The following PCDH9 variants were observed in gnomAD, a reference collection of about 807,000 sequenced individuals.
The protein encoded by PCDH9 is protocadherin-9.
Under a neutral mutation model 70.6 loss-of-function variants are expected in PCDH9, and 24 were observed. The observed-to-expected ratio is 0.34, with a 90% CI of 0.25 to 0.48. PCDH9 has a LOEUF of 0.48. Among genes scored for constraint, PCDH9 ranks in the 20% least tolerant of loss-of-function variants. The pLI is 0.99. For synonymous variants in PCDH9, 562 were observed against 558.5 expected, an observed-to-expected ratio of 1.01 and a Z score of -0.09; for missense variants, 1,281 against 1,503.6, an observed-to-expected ratio of 0.85 and a Z score of 2.45.
At chr13:66,856,358 T>A (rs896594711) in intron 3 of PCDH9, among the ~76,000 whole-genome samples, 1 of 152,040 alleles carries the variant, frequency 6.6e-6, no homozygotes, top group Non-Finnish European at 1.5e-5. Flanking sequence ...TTCAAATGCA[T>A]GTAAGACACT....
chr13:67,219,243 A>G (rs1407368575), intron 2 of PCDH9: 1 of 152,068 alleles, frequency 6.6e-6, no homozygotes, highest in Non-Finnish European at 1.5e-5. Flanking sequence ...CTTACAGAAG[A>G]AAAGAATATA....
chr13:66,731,020 G>A (rs990746149), intron 3 of PCDH9, among the ~76,000 whole-genome samples: 1 of 151,278 alleles, frequency 6.6e-6, no homozygotes, highest in African/African-American at 2.4e-5. Flanking sequence ...ATCAGGCCCA[G>A]GCGTATAATA....
At chr13:66,933,090 C>G (rs1051828429) in intron 2 of PCDH9, among the ~76,000 whole-genome samples, 1 of 151,746 alleles carries the variant, frequency 6.6e-6, no homozygotes. Flanking sequence ...ACCCAGAGAA[C>G]CATAATATTA....
At chr13:67,084,482 G>T (rs9529182) in intron 2 of PCDH9, among the ~76,000 whole-genome samples, 14,610 of 152,112 alleles carry the variant, frequency 0.096, 777 homozygotes, top group Non-Finnish European at 0.12. Context: ...TGCTCTTTTA[G>T]GCCAAAACCA....
At position 66,802,356 on chromosome 13, in the gene PCDH9, A is replaced by G. The variant is rs180944252; in HGVS notation, c.3138+101148T>C. On this transcript the variant is annotated intron_variant, in intron 3 of 4. Transcript: ENST00000377865. ...GGCTGTTGATTCATACAGGATAGTT[A>G]AAAGAATGAACAATTTCATTGATAA... Among the ~76,000 whole-genome samples the G allele has an allele frequency of 2.4e-3, 358 of 152,224 alleles. 1 individual carries two copies. Among genetic ancestry groups the G allele is most frequent in the African/African-American group, 8.3e-3 (344 of 41,574 alleles).
intron 3 of PCDH9, among the ~76,000 whole-genome samples, chr13:66,821,653 A>G (rs958039096): frequency 6.6e-6 from 1 of 152,218 alleles, no homozygotes; most frequent in African/African-American, 2.4e-5. Flanking sequence ...TCCTAATTTC[A>G]AAGTAGTTCT....
chr13:67,211,309 T>C (rs1566498201), intron 2 of PCDH9: 1 of 152,026 alleles, frequency 6.6e-6, no homozygotes, highest in Non-Finnish European at 1.5e-5. Context: ...CACAGAACAG[T>C]TGGAAAGATC....
At chr13:66,425,032 G>C (rs1957644525) in intron 4 of PCDH9, among the ~76,000 whole-genome samples, 2 of 151,792 alleles carry the variant, frequency 1.3e-5, no homozygotes, top group Admixed American at 1.3e-4. Context: ...ACAACAAAGA[G>C]AAGGCTAATA....
intron 2 of PCDH9, among the ~76,000 whole-genome samples, chr13:67,042,145 T>C (rs2139909789): frequency 6.6e-6 from 1 of 152,250 alleles, no homozygotes; most frequent in South Asian, 2.1e-4. Context: ...ATGGGGCTTG[T>C]AGCGTGAAAG....
At chr13:66,727,463 A>T (rs2139166510) in intron 3 of PCDH9, among the ~76,000 whole-genome samples, 1 of 152,216 alleles carries the variant, frequency 6.6e-6, no homozygotes, top group South Asian at 2.1e-4. Context: ...TAAAATGATA[A>T]AGAAGAGATT....
intron 2 of PCDH9, among the ~76,000 whole-genome samples, chr13:67,051,409 T>G: frequency 1.0e-5 from 1 of 98,618 alleles, no homozygotes; most frequent in African/African-American, 3.7e-5. Context: ...TTTTTTTTTT[T>G]TGAGACAGAG....
chr13:66,778,215 T>C (rs895603271), intron 3 of PCDH9, among the ~76,000 whole-genome samples: 4 of 151,950 alleles, frequency 2.6e-5, no homozygotes, highest in African/African-American at 9.7e-5. Context: ...CACACCAGCA[T>C]GGCACATGTA....
intron 4 of PCDH9, among the ~76,000 whole-genome samples, chr13:66,430,549 C>A (rs1957753224): frequency 6.6e-6 from 1 of 151,940 alleles, no homozygotes; most frequent in East Asian, 1.9e-4. Flanking sequence ...AAACATGTAC[C>A]AAGTAGCAAC....
intron 4 of PCDH9, among the ~76,000 whole-genome samples, chr13:66,408,204 G>C (rs1005023526): frequency 6.6e-6 from 1 of 152,026 alleles, no homozygotes; most frequent in African/African-American, 2.4e-5. Flanking sequence ...GACTACAGGC[G>C]CCCGCCACCG....
intron 2 of PCDH9, among the ~76,000 whole-genome samples, chr13:67,046,906 A>G: frequency 6.6e-6 from 1 of 152,186 alleles, no homozygotes; most frequent in African/African-American, 2.4e-5. Flanking sequence ...TCAATAAGAC[A>G]ATCTCTGTCA....
chr13:67,063,558 A>G (rs573848792), intron 2 of PCDH9, among the ~76,000 whole-genome samples: 153 of 151,362 alleles, frequency 1.0e-3, no homozygotes, highest in Non-Finnish European at 1.9e-3. Context: ...CCACATTCTG[A>G]TTCTGATAAT....
intron 2 of PCDH9, among the ~76,000 whole-genome samples, chr13:67,167,755 T>G (rs2088162207): frequency 6.6e-6 from 1 of 152,232 alleles, no homozygotes; most frequent in African/African-American, 2.4e-5. Context: ...TTTTCCTTTT[T>G]ATTTATGATT....
chr13:67,022,726 T>C (rs1225866648), intron 2 of PCDH9, among the ~76,000 whole-genome samples: 1 of 152,192 alleles, frequency 6.6e-6, no homozygotes, highest in East Asian at 1.9e-4. Flanking sequence ...CCCTCACCTA[T>C]TTTAAAAACA....
chr13:67,097,322 T>C (rs1312718537), intron 2 of PCDH9, among the ~76,000 whole-genome samples: 1 of 152,096 alleles, frequency 6.6e-6, no homozygotes, highest in African/African-American at 2.4e-5. Context: ...AACTAAAAGC[T>C]ATCCTGTTAA....
Sources: allele counts gnomAD v4.1 joint callset (sites outside exome capture counted in the v4.1 genomes callset), GRCh38; gene constraint gnomAD v4.1.1; transcripts MANE v1.5; gene names NCBI Gene and HGNC (gene_info 2026-07-23, HGNC 2026-07-21).